GRM7: variants seen among roughly 807,000 people sequenced by gnomAD.
GRM7 encodes the protein glutamate metabotropic receptor 7.
A neutral mutation model predicts 84.5 loss-of-function variants in GRM7; 35 were observed. The ratio of observed to expected loss-of-function variants is 0.41; its 90% CI spans 0.32 to 0.55. GRM7 has a LOEUF of 0.55. GRM7 is among the 20% of genes least tolerant of loss of function. The probability of loss-of-function intolerance (pLI) is 0.19; values close to 1 mark genes in which losing one functional copy is unlikely to be tolerated. For synonymous variants in GRM7, 487 were observed against 455.1 expected (o/e 1.07, Z -0.89); for missense variants, 1,003 against 1,194.6 (o/e 0.84, Z 2.36).
At chr3:7,606,369 TA>T (rs1696571085) in intron 8 of GRM7, among the ~76,000 whole-genome samples, 1 of 152,200 alleles carries the variant, frequency 6.6e-6, no homozygotes, top group East Asian at 1.9e-4. Flanking sequence ...TATGGTTTTT[TA>T]TACATTAAAA....
rs562573758 is a variant in GRM7, at chr3:7,705,764, A to G, written c.2698+25469A>G. Among the ~76,000 whole-genome samples, 131 of 152,340 alleles carry G rather than the reference A, an allele frequency of 8.6e-4. No individual in the cohort carries two copies. The South Asian group carries it at 0.025, about 29-fold the overall frequency. Reference sequence around the variant, plus strand: ...GTTCAAGAAAAAGCCTGGGAAATTAATATACATCAAGTGGCACCAATATTT... The same window carrying G: ...GTTCAAGAAAAAGCCTGGGAAATTAGTATACATCAAGTGGCACCAATATTT... On this transcript the variant is annotated intron_variant, in intron 9 of 9. Transcript: ENST00000357716.
intron 2 of GRM7, among the ~76,000 whole-genome samples, chr3:7,281,018 T>G (rs1699235683): frequency 6.6e-6 from 1 of 152,202 alleles, no homozygotes; most frequent in Non-Finnish European, 1.5e-5. Context: ...AAAAAGTGTC[T>G]GTTCTTTCGT....
At chr3:7,599,866 G>C (rs1040498263) in intron 8 of GRM7, among the ~76,000 whole-genome samples, 12 of 151,980 alleles carry the variant, frequency 7.9e-5, no homozygotes, top group African/African-American at 2.4e-4. Flanking sequence ...GGTCGTGGGG[G>C]GTGGGGTTAC....
intron 1 of GRM7, among the ~76,000 whole-genome samples, chr3:6,979,608 C>G (rs1402695926): frequency 6.6e-6 from 1 of 152,044 alleles, no homozygotes; most frequent in Non-Finnish European, 1.5e-5. Flanking sequence ...AATAACAGTA[C>G]TTTTACAAGA....
At chr3:7,484,785 C>T (rs1699260803) in intron 7 of GRM7, among the ~76,000 whole-genome samples, 1 of 152,148 alleles carries the variant, frequency 6.6e-6, no homozygotes, top group African/African-American at 2.4e-5. Flanking sequence ...GGGATGCATG[C>T]CCATGTGCAT....
chr3:6,914,642 C>T (rs1480877770), intron 1 of GRM7, among the ~76,000 whole-genome samples: 1 of 152,140 alleles, frequency 6.6e-6, no homozygotes, highest in Non-Finnish European at 1.5e-5. Context: ...ACCTCATGAT[C>T]CACCTGCCTC....
At chr3:7,726,802 T>A (rs908451992) in intron 9 of GRM7, among the ~76,000 whole-genome samples, 1 of 150,756 alleles carries the variant, frequency 6.6e-6, no homozygotes, top group Non-Finnish European at 1.5e-5. Flanking sequence ...ATAAATTTAA[T>A]ATTGATGTAT....
intron 4 of GRM7, among the ~76,000 whole-genome samples, chr3:7,350,976 A>G (rs1693115463): frequency 6.6e-6 from 1 of 152,100 alleles, no homozygotes; most frequent in African/African-American, 2.4e-5. Context: ...TCCTTTCATC[A>G]TTGAAACTTG....
chr3:7,518,495 C>T (rs957941745), intron 7 of GRM7, among the ~76,000 whole-genome samples: 6 of 152,314 alleles, frequency 3.9e-5, no homozygotes, highest in African/African-American at 1.4e-4. Context: ...GAAAAGGTTT[C>T]ATATCAAGGT....
chr3:7,199,890 G>C (rs151078763), intron 2 of GRM7, among the ~76,000 whole-genome samples: 7 of 152,056 alleles, frequency 4.6e-5, no homozygotes, highest in Admixed American at 1.3e-4. Flanking sequence ...CTTCTGTCTT[G>C]GTCCATTTTG....
chr3:7,328,851 AC>A (rs1192196646), intron 4 of GRM7, among the ~76,000 whole-genome samples: 1 of 151,890 alleles, frequency 6.6e-6, no homozygotes, highest in Admixed American at 6.6e-5. Flanking sequence ...GATAGTAGAA[AC>A]CCTAGTAAGT....
At chr3:7,555,364 C>T (rs761113730) in intron 7 of GRM7, among the ~76,000 whole-genome samples, 7 of 152,176 alleles carry the variant, frequency 4.6e-5, no homozygotes, top group Non-Finnish European at 7.3e-5. Context: ...TTCACCTGAT[C>T]CTTTGTTAAC....
intron 9 of GRM7, among the ~76,000 whole-genome samples, chr3:7,684,146 A>C (rs938923937): frequency 6.6e-6 from 1 of 152,244 alleles, no homozygotes; most frequent in Non-Finnish European, 1.5e-5. Context: ...TGACTATGCT[A>C]TACTAGGTAA....
chr3:7,517,731 A>G (rs1559374898), intron 7 of GRM7, among the ~76,000 whole-genome samples: 1 of 152,130 alleles, frequency 6.6e-6, no homozygotes, highest in Non-Finnish European at 1.5e-5. Flanking sequence ...ATTGCCTTTT[A>G]GGTCTTATCC....
At chr3:7,243,585 C>G (rs1441134469) in intron 2 of GRM7, among the ~76,000 whole-genome samples, 1 of 152,086 alleles carries the variant, frequency 6.6e-6, no homozygotes, top group Non-Finnish European at 1.5e-5. Flanking sequence ...CATTCTAAAC[C>G]AATCACTATT....
intron 1 of GRM7, among the ~76,000 whole-genome samples, chr3:7,033,147 T>G (rs950034968): frequency 6.6e-6 from 1 of 152,186 alleles, no homozygotes; most frequent in Non-Finnish European, 1.5e-5. Context: ...CAATTTCTGC[T>G]TCTGTCTTCA....
intron 2 of GRM7, among the ~76,000 whole-genome samples, chr3:7,293,528 G>A (rs951330610): frequency 2.6e-5 from 4 of 152,138 alleles, no homozygotes; most frequent in Admixed American, 2.0e-4. Flanking sequence ...CCACATTTAC[G>A]ATGAGACTTT....
chr3:7,094,411 A>T (rs554172377), intron 1 of GRM7, among the ~76,000 whole-genome samples: 1 of 152,228 alleles, frequency 6.6e-6, no homozygotes, highest in Non-Finnish European at 1.5e-5. Context: ...ATGAGGCCGG[A>T]ACAAGGAATA....
intron 4 of GRM7, among the ~76,000 whole-genome samples, chr3:7,377,697 A>G (rs2125125584): frequency 6.6e-6 from 1 of 152,348 alleles, no homozygotes; most frequent in South Asian, 2.1e-4. Flanking sequence ...CCTGCAAGAC[A>G]TGAACTAAAT....
Sources: gnomAD v4.1 joint callset for allele counts (sites outside exome capture counted in the v4.1 genomes callset) on GRCh38, gnomAD v4.1.1 for gene constraint, MANE v1.5 for transcripts, NCBI Gene and HGNC (gene_info 2026-07-23, HGNC 2026-07-21) for gene names.